Variants in GALNT13 observed in about 807,000 individuals in gnomAD.
The protein encoded by GALNT13 is UDP-GalNAc:polypeptide N-acetylgalactosaminyltransferase 13.
Under a neutral mutation model 64.2 loss-of-function variants are expected in GALNT13, and 28 were observed. That is an observed-to-expected ratio of 0.44 (90% CI 0.32 to 0.60). The LOEUF is 0.60. GALNT13 is among the 20% of genes least tolerant of loss of function. The pLI, the probability that GALNT13 is intolerant of heterozygous loss-of-function variation, is 0.05. For missense variants in GALNT13, 577 were observed against 669.8 expected, an observed-to-expected ratio of 0.86 and a Z score of 1.53; for synonymous variants, 214 against 224.6, an observed-to-expected ratio of 0.95 and a Z score of 0.42.
chr2:153,809,782 T>C, the GALNT13 span, among the ~76,000 whole-genome samples: 1 of 152,160 alleles, frequency 6.6e-6, no homozygotes, highest in Non-Finnish European at 1.5e-5. Context: ...TTTTAATGGA[T>C]GACTTGTCTC....
chr2:153,184,608 T>C, the GALNT13 span, among the ~76,000 whole-genome samples: 1 of 152,208 alleles, frequency 6.6e-6, no homozygotes, highest in Non-Finnish European at 1.5e-5. Context: ...GGGTTTGTCA[T>C]ATATGGTTCT....
intron 9 of GALNT13, among the ~76,000 whole-genome samples, chr2:154,335,785 A>G (rs563471689): frequency 2.0e-5 from 3 of 152,062 alleles, no homozygotes; most frequent in Admixed American, 6.6e-5. Context: ...ATAACAATGA[A>G]TATTTTTAAA....
intron 3 of GALNT13, among the ~76,000 whole-genome samples, chr2:153,966,880 G>A (rs1017242817): frequency 2.0e-5 from 3 of 151,826 alleles, no homozygotes; most frequent in African/African-American, 7.3e-5. Flanking sequence ...TATCCCTTTT[G>A]AGGCTATTGT....
the GALNT13 span, among the ~76,000 whole-genome samples, chr2:153,788,464 A>G: frequency 6.6e-6 from 1 of 152,148 alleles, no homozygotes; most frequent in Non-Finnish European, 1.5e-5. Context: ...CTAAATCTTG[A>G]AAGTAAAGCC....
At chr2:154,202,775 A>C (rs1050921487) in intron 4 of GALNT13, among the ~76,000 whole-genome samples, 1 of 152,146 alleles carries the variant, frequency 6.6e-6, no homozygotes, top group African/African-American at 2.4e-5. Context: ...ATACTTCAGC[A>C]TTTCAGCATA....
chr2:153,359,456 A>G, the GALNT13 span, among the ~76,000 whole-genome samples: 1 of 151,982 alleles, frequency 6.6e-6, no homozygotes, highest in Non-Finnish European at 1.5e-5. Flanking sequence ...CACAAAATTG[A>G]GTAAAACAGG....
At chr2:154,278,201 C>T (rs369043859) in intron 8 of GALNT13, among the ~76,000 whole-genome samples, 1 of 152,060 alleles carries the variant, frequency 6.6e-6, no homozygotes, top group African/African-American at 2.4e-5. Context: ...TTATGGAATT[C>T]CTAAATTAAG....
intron 1 of GALNT13, among the ~76,000 whole-genome samples, chr2:153,873,841 T>C (rs1258976210): frequency 6.6e-6 from 1 of 151,800 alleles, no homozygotes; most frequent in Non-Finnish European, 1.5e-5. Flanking sequence ...TCTCTCTCTT[T>C]TTCTGTGTCT....
At chr2:153,775,187 A>G in the GALNT13 span, among the ~76,000 whole-genome samples, 37,230 of 152,056 alleles carry the variant, frequency 0.24, 5,990 homozygotes, top group Middle Eastern at 0.44. Flanking sequence ...ACTCTTTAGG[A>G]CACCTAATAT....
the GALNT13 span, among the ~76,000 whole-genome samples, chr2:153,781,161 T>C: frequency 6.6e-6 from 1 of 152,184 alleles, no homozygotes; most frequent in Non-Finnish European, 1.5e-5. Context: ...TTCGATTCCA[T>C]TGAATTGAAG....
chr2:154,353,163 G>C (rs1696507514), intron 9 of GALNT13, among the ~76,000 whole-genome samples: 2 of 152,134 alleles, frequency 1.3e-5, no homozygotes, highest in South Asian at 4.1e-4. Context: ...CTATATAATG[G>C]ATATTAAAAT....
intron 3 of GALNT13, among the ~76,000 whole-genome samples, chr2:154,092,099 A>AAAG (rs1701842728): frequency 6.6e-6 from 1 of 150,790 alleles, no homozygotes; most frequent in Admixed American, 6.6e-5. Context: ...AAAAAAAAAA[A>AAAG]AAGCTATAAT....
chr2:154,431,827 C>A (rs1700723392), intron 11 of GALNT13, among the ~76,000 whole-genome samples: 1 of 151,170 alleles, frequency 6.6e-6, no homozygotes. Flanking sequence ...GGGCAGTTTC[C>A]CTGCACACGC....
chr2:153,455,164 G>A, the GALNT13 span, among the ~76,000 whole-genome samples: 5 of 152,102 alleles, frequency 3.3e-5, no homozygotes, highest in Admixed American at 3.3e-4. Flanking sequence ...TTCTCATTCA[G>A]TTCTTTAAAA....
the GALNT13 span, among the ~76,000 whole-genome samples, chr2:153,328,088 G>A: frequency 6.6e-6 from 1 of 152,052 alleles, no homozygotes; most frequent in Non-Finnish European, 1.5e-5. Context: ...GAGTTTGCTG[G>A]AGGTCCACTC....
chr2:154,351,367 T>C (rs1271822965), intron 9 of GALNT13, among the ~76,000 whole-genome samples: 1 of 151,588 alleles, frequency 6.6e-6, no homozygotes, highest in Non-Finnish European at 1.5e-5. Context: ...CTTCAAGAAC[T>C]GAATTGAAAA....
chr2:153,751,228 A>G, the GALNT13 span, among the ~76,000 whole-genome samples: 4 of 151,960 alleles, frequency 2.6e-5, no homozygotes, highest in African/African-American at 4.8e-5. Flanking sequence ...GTGACCTAAC[A>G]TATGATCTGT....
the GALNT13 span, among the ~76,000 whole-genome samples, chr2:153,626,189 A>G: frequency 1.3e-5 from 2 of 152,146 alleles, no homozygotes; most frequent in Non-Finnish European, 2.9e-5. Context: ...CAACTCACTC[A>G]ATGAAGAAAT....
the GALNT13 span, among the ~76,000 whole-genome samples, chr2:153,791,614 C>T: frequency 6.0e-3 from 912 of 152,146 alleles, 10 homozygotes; most frequent in African/African-American, 0.02. Flanking sequence ...ACCATAAAGA[C>T]GCATACATGT....
Sources: allele counts gnomAD v4.1 joint callset (sites outside exome capture counted in the v4.1 genomes callset), GRCh38; gene constraint gnomAD v4.1.1; transcripts MANE v1.5; gene names NCBI Gene and HGNC (gene_info 2026-07-23, HGNC 2026-07-21).